Variants in EFHD2 observed in about 807,000 individuals in gnomAD.
EFHD2 encodes the protein EF-hand domain family member D2, also known as EF-hand domain-containing protein D2.
In EFHD2, 12 loss-of-function variants were observed where a neutral mutation model predicts 20.3. The observed-to-expected ratio is 0.59, with a 90% CI of 0.38 to 0.96. EFHD2 has a LOEUF of 0.96. Among genes scored for constraint, EFHD2 ranks in the 40% least tolerant of loss-of-function variants. The pLI, the probability that EFHD2 is intolerant of heterozygous loss-of-function variation, is 0.00. For missense variants in EFHD2, 250 were observed against 334.3 expected, an observed-to-expected ratio of 0.75 and a Z score of 1.97; for synonymous variants, 131 against 143.9, an observed-to-expected ratio of 0.91 and a Z score of 0.64.
rs934149749 is a variant in EFHD2 at position 15,410,986 on chromosome 1, C to T, written c.308+707C>T. Among the ~76,000 whole-genome samples the T allele has an allele frequency of 7.2e-5, 11 of 152,222 alleles. No homozygotes were observed. The South Asian group carries it at 1.5e-3, about 20-fold the overall frequency. Reference sequence around the variant, plus strand: ...CATTAGCCAGGACCCAAATCCTTCACTCACAAGTGGTCTCCTTAGGAAGGG... The same window carrying T: ...CATTAGCCAGGACCCAAATCCTTCATTCACAAGTGGTCTCCTTAGGAAGGG... On this transcript the variant is annotated intron_variant, in intron 1 of 3. Coordinates refer to ENST00000375980, the MANE Select transcript of EFHD2 (RefSeq NM_024329.6).
intron 1 of EFHD2, among the ~76,000 whole-genome samples, chr1:15,420,854 G>T (rs951091948): frequency 3.3e-5 from 5 of 152,032 alleles, no homozygotes; most frequent in African/African-American, 1.2e-4. Context: ...TCCCTATCTT[G>T]CCCAAGCTGG....
intron 1 of EFHD2, among the ~76,000 whole-genome samples, chr1:15,412,893 C>CA (rs1707564504): frequency 6.6e-6 from 1 of 152,212 alleles, no homozygotes; most frequent in Non-Finnish European, 1.5e-5. Flanking sequence ...TACCCCTTGG[C>CA]ACCTGCACTT....
intron 1 of EFHD2, among the ~76,000 whole-genome samples, chr1:15,422,504 A>G (rs1707809633): frequency 6.6e-6 from 1 of 152,044 alleles, no homozygotes; most frequent in Non-Finnish European, 1.5e-5. Context: ...AGGTATGACA[A>G]CCAAAAACAC....
At chr1:15,415,490 CTTTT>C (rs775986699) in intron 1 of EFHD2, among the ~76,000 whole-genome samples, 5 of 138,282 alleles carry the variant, frequency 3.6e-5, no homozygotes, top group Non-Finnish European at 1.6e-5. Context: ...CTTTGTTTTC[CTTTT>C]TTTTTTTTTT....
rs893854571 is a variant in EFHD2, at chr1:15,413,433, C to T, written c.308+3154C>T. Among the ~76,000 whole-genome samples the T allele has an allele frequency of 1.3e-5, 2 of 152,116 alleles. No homozygotes were observed. The highest frequency in any genetic ancestry group is 4.8e-5 in the African/African-American group (2 of 41,414). On this transcript the variant is annotated intron_variant, in intron 1 of 3. Coordinates refer to ENST00000375980, the MANE Select transcript of EFHD2 (RefSeq NM_024329.6). This position sits in a 1 kb window ranked among gnomAD's most constrained non-coding sequence, Gnocchi z 4.4. ...CCAAAGGTCCTTCAGCCCTGACCTG[C>T]GTATGTCTGAGGGGTCCTGAGCCCT... is the stretch of plus-strand genomic sequence containing the variant.
intron 1 of EFHD2, among the ~76,000 whole-genome samples, chr1:15,418,348 C>G (rs1372984875): frequency 7.4e-6 from 1 of 135,620 alleles, no homozygotes; most frequent in Non-Finnish European, 1.5e-5. Flanking sequence ...CTCTGTCACC[C>G]AGGCTGGAGT....
rs1249869252 is a variant in EFHD2 at position 15,419,339 on chromosome 1, C to T, written c.309-6532C>T. 3.9e-5 allele frequency among the ~76,000 whole-genome samples: 6 copies of T among 152,366 alleles called. No homozygotes were observed. In the East Asian group the frequency reaches 7.7e-4, roughly 20 times the overall value. On this transcript the variant is annotated intron_variant, in intron 1 of 3. Coordinates refer to ENST00000375980, the MANE Select transcript of EFHD2 (RefSeq NM_024329.6). ...GGGGAGGCAGATAGGAATGCGGGCA[C>T]GGTGCCAGGCCCCGCAGCCTCCCTC...
chr1:15,423,257 A>C (rs975608629), intron 1 of EFHD2, among the ~76,000 whole-genome samples: 1 of 152,194 alleles, frequency 6.6e-6, no homozygotes, highest in Non-Finnish European at 1.5e-5. Context: ...GCCACTGCCC[A>C]CAGGGGCTGC....
rs1707428297 is a variant in EFHD2, at chr1:15,409,944, G to C, written c.-28G>C. The C allele has an allele frequency of 1.6e-6, 2 of 1,222,976 alleles. No individual in the cohort carries two copies. The highest frequency in any genetic ancestry group is 3.5e-5 in the East Asian group (1 of 28,898). The allele number at this position is 1,222,976 out of a possible 1,614,324, so 75.8% of individuals were successfully genotyped here. On this transcript the variant is annotated 5_prime_UTR_variant, in exon 1 of 4. Coordinates refer to ENST00000375980, the MANE Select transcript of EFHD2 (RefSeq NM_024329.6). ...GGCGCTGCGCTGAGAGCAGGGGCCC[G>C]GCCAAGGCGAGTGCCGCGCGGGCCA...
At chr1:15,427,381 C>T (rs1192201871) in intron 3 of EFHD2, 97 bp downstream of exon 3, 5 of 1,494,802 alleles carry the variant, frequency 3.3e-6, no homozygotes, top group Non-Finnish European at 4.5e-6. Context: ...CCTGCTGAGG[C>T]TGCAGACAGA....
intron 1 of EFHD2, among the ~76,000 whole-genome samples, chr1:15,415,758 G>A (rs377090587): frequency 9.9e-5 from 15 of 152,210 alleles, no homozygotes; most frequent in African/African-American, 3.4e-4. Flanking sequence ...CCAAAGTGCT[G>A]GGATTACAGA....
chr1:15,420,531 A>ATTTT (rs1707771471), intron 1 of EFHD2, among the ~76,000 whole-genome samples: 1 of 151,702 alleles, frequency 6.6e-6, no homozygotes, highest in Non-Finnish European at 1.5e-5. Flanking sequence ...TTATTTATTT[A>ATTTT]TTTTTTGAGA....
chr1:15,416,333 C>T lies in EFHD2; in HGVS notation c.308+6054C>T, dbSNP rs114026605. Among the ~76,000 whole-genome samples the T allele has an allele frequency of 9.2e-3, 1,408 of 152,314 alleles. 16 individuals are homozygous for T. The highest frequency in any genetic ancestry group is 0.031 in the African/African-American group (1,288 of 41,566). ...GTCGTTTCCTCAAGGCCAGCCCTGC[C>T]GGCAGAGGCAGAGTCACTTTGCAGC... On this transcript the variant is annotated intron_variant, in intron 1 of 3. Coordinates refer to ENST00000375980, the MANE Select transcript of EFHD2 (RefSeq NM_024329.6).
At chr1:15,419,224 C>T (rs939664022) in intron 1 of EFHD2, among the ~76,000 whole-genome samples, 6 of 152,194 alleles carry the variant, frequency 3.9e-5, no homozygotes, top group African/African-American at 1.4e-4. Flanking sequence ...ACTGGCTGCT[C>T]CGCTTTCGAG....
intron 1 of EFHD2, among the ~76,000 whole-genome samples, chr1:15,421,768 G>T (rs1160342201): frequency 6.6e-6 from 1 of 152,220 alleles, no homozygotes; most frequent in East Asian, 1.9e-4. Flanking sequence ...GGGCTGGGGC[G>T]TGAACCCCTG....
At chr1:15,428,423 GA>G (rs1246522363) in intron 3 of EFHD2, among the ~76,000 whole-genome samples, 169 bp from the exon 4 acceptor site, 1 of 152,190 alleles carries the variant, frequency 6.6e-6, no homozygotes, top group African/African-American at 2.4e-5. Context: ...CTTGAACCTG[GA>G]AGGCAGAGGT....
At chr1:15,422,036 G>A (rs950019761) in intron 1 of EFHD2, among the ~76,000 whole-genome samples, 1 of 151,652 alleles carries the variant, frequency 6.6e-6, no homozygotes. Flanking sequence ...CCCCATTGCA[G>A]CAGGGTTCTC....
intron 1 of EFHD2, among the ~76,000 whole-genome samples, chr1:15,416,741 C>T (rs1213680875): frequency 6.6e-6 from 1 of 150,996 alleles, no homozygotes; most frequent in Non-Finnish European, 1.5e-5. Flanking sequence ...ACACCAGCAG[C>T]TTCACCGCCC....
chr1:15,422,549 A>G (rs930178812), intron 1 of EFHD2, among the ~76,000 whole-genome samples: 4 of 151,076 alleles, frequency 2.6e-5, no homozygotes, highest in Non-Finnish European at 4.4e-5. Flanking sequence ...TGGGGGGCAC[A>G]TGCACCCCAG....
Sources: gnomAD v4.1 joint callset for allele counts (sites outside exome capture counted in the v4.1 genomes callset) on GRCh38, gnomAD v4.1.1 for gene constraint, Gnocchi (gnomAD v3.1) non-coding constraint, MANE v1.5 for transcripts, NCBI Gene and HGNC (gene_info 2026-07-23, HGNC 2026-07-21) for gene names.